Variants in DLEC1 observed in about 807,000 individuals in gnomAD.
DLEC1 encodes deleted in lung and esophageal cancer protein 1.
Under a neutral mutation model 198.1 loss-of-function variants are expected in DLEC1, and 146 were observed. The observed-to-expected ratio is 0.74, with a 90% CI of 0.64 to 0.85. The LOEUF is 0.85. DLEC1 is among the 40% of genes least tolerant of loss of function. The pLI, the probability that DLEC1 is intolerant of heterozygous loss-of-function variation, is 0.00. For synonymous variants in DLEC1, 897 were observed against 866.8 expected (o/e 1.03, Z -0.61); for missense variants, 2,233 against 2,220.0 (o/e 1.01, Z -0.12).
intron 23 of DLEC1, among the ~76,000 whole-genome samples, chr3:38,110,899 C>CATACACATATGTATACACAT (rs1559457726): frequency 6.6e-6 from 1 of 152,024 alleles, no homozygotes; most frequent in Non-Finnish European, 1.5e-5. Context: ...AATATACACA[C>CATACACATATGTATACACAT]ATACACATAT....
chr3:38,063,609 T>C (rs1696817170), intron 5 of DLEC1, among the ~76,000 whole-genome samples: 1 of 152,222 alleles, frequency 6.6e-6, no homozygotes, highest in Non-Finnish European at 1.5e-5. Flanking sequence ...CCTATGCATA[T>C]TGAAAATGAA....
At position 38,114,406 on chromosome 3, in the gene DLEC1, C is replaced by T; in HGVS notation, c.3731C>T (p.Ser1244Phe). The T allele has an allele frequency of 6.2e-7, 1 of 1,614,166 alleles. No individual in the cohort carries two copies. The highest frequency in any genetic ancestry group is 8.5e-7 in the Non-Finnish European group (1 of 1,180,016). The change falls in exon 26 of 37, where the codon TCC becomes TTC. Residue 1244 changes from serine to phenylalanine, a missense_variant. Transcript: ENST00000308059. ...GCAGCGGTGGGCTGCCCCATCAGCT[C>T]CCTGAGGACCACCTCCTACACTATT... is the stretch of plus-strand genomic sequence containing the variant. ...HMAAVGCPIS[S>F]LRTTSYTIDQ...
intron 2 of DLEC1, chr3:38,052,276 C>T (rs532559871): frequency 1.7e-5 from 8 of 473,748 alleles, no homozygotes; most frequent in East Asian, 5.4e-5. Context: ...GGTGTGGGAC[C>T]TCAACATAGA....
At chr3:38,047,707 T>C (rs1700944016) in intron 2 of DLEC1, among the ~76,000 whole-genome samples, 1 of 151,964 alleles carries the variant, frequency 6.6e-6, no homozygotes, top group African/African-American at 2.4e-5. Context: ...ACTTCATAGG[T>C]GATGCTGTGT....
At position 38,116,545 on chromosome 3, in the gene DLEC1, C is replaced by T. The variant is rs180732382; in HGVS notation, c.3949C>T (p.Arg1317Trp). The change falls in exon 28 of 37, where the codon CGG (arginine) becomes TGG (tryptophan). Residue 1317 changes from arginine (R) to tryptophan (W), a missense_variant. Coordinates refer to ENST00000308059, the MANE Select transcript of DLEC1 (RefSeq NM_007335.4). Reference protein sequence around the residue: ...LVFYGPPFPLRDQAGNELVCP... With the variant: ...LVFYGPPFPLWDQAGNELVCP... ...GTTTTATGGGCCACCTTTCCCGCTG[C>T]GGGACCAAGCCGGGAATGAGCTTGT... The T allele has an allele frequency of 3.6e-4, 574 of 1,614,110 alleles. 1 individual carries two copies. Among genetic ancestry groups the T allele is most frequent in the South Asian group, 9.4e-4 (86 of 91,084 alleles).
At position 38,069,914 on chromosome 3, in the gene DLEC1, ATT is replaced by A. The variant is rs1404690449; in HGVS notation, c.1173+5997_1173+5998del. Among the ~76,000 whole-genome samples, 7 of 152,300 alleles carry A rather than the reference ATT, an allele frequency of 4.6e-5. No individual in the cohort carries two copies. The South Asian group carries it at 1.2e-3, about 27-fold the overall frequency. On this transcript the variant is annotated intron_variant, in intron 6 of 36. Coordinates refer to ENST00000308059, the MANE Select transcript of DLEC1 (RefSeq NM_007335.4). Reference sequence around the variant, plus strand: ...ATAAAAATAGGAAGACATACTTCATATTTATGTCAATTTTTATCTGGTGGGGG... The same window carrying A: ...ATAAAAATAGGAAGACATACTTCATATATGTCAATTTTTATCTGGTGGGGG...
intron 28 of DLEC1, 51 bp downstream of exon 28, chr3:38,116,709 G>T (rs760763031): frequency 1.2e-6 from 2 of 1,609,954 alleles, no homozygotes; most frequent in South Asian, 2.2e-5. Flanking sequence ...GGCCACTGAG[G>T]TGTGGCCAGT....
rs889885591 is a variant in DLEC1, at chr3:38,109,788, GC to G, written c.3260+229del. The G allele has an allele frequency of 1.7e-4, 134 of 810,670 alleles. No individual in the cohort carries two copies. The African/African-American group carries it at 2.1e-3, about 13-fold the overall frequency. 50.2% of individuals were successfully genotyped at this position (810,670 alleles called of 1,614,324 possible). Reference sequence around the variant, plus strand: ...CCCCACACACACTTGGAGGCGTGGTGCCCTGGCAGGCAGGAGATGGCAGGGG... The same window carrying G: ...CCCCACACACACTTGGAGGCGTGGTGCCTGGCAGGCAGGAGATGGCAGGGG... On this transcript the variant is annotated intron_variant, in intron 22 of 36. Transcript: ENST00000308059.
intron 6 of DLEC1, among the ~76,000 whole-genome samples, chr3:38,081,334 AC>A (rs1212433180): frequency 7.2e-6 from 1 of 138,242 alleles, no homozygotes; most frequent in African/African-American, 2.8e-5. Flanking sequence ...TGTTGGGCAC[AC>A]CTCCCAGACG....
Position 38,062,331 on chromosome 3 carries a change from C to T in DLEC1, c.836C>T (p.Thr279Ile), listed in dbSNP as rs1696732001. The change falls in exon 4 of 37, where the codon ACT becomes ATT. Residue 279 changes from threonine to isoleucine, a missense_variant. By Grantham distance (89) the Thr-to-Ile change is moderately conservative. Coordinates refer to ENST00000308059, the MANE Select transcript of DLEC1 (RefSeq NM_007335.4). Reference sequence around the variant, plus strand: ...GTGGACAGCCTGACATGGAATTTAACTCCTAAGGCCAAAGAAAGGACCAGA... The same window carrying T: ...GTGGACAGCCTGACATGGAATTTAATTCCTAAGGCCAAAGAAAGGACCAGA... Reference protein sequence around the residue: ...HTVDSLTWNLTPKAKERTREP... With the variant: ...HTVDSLTWNLIPKAKERTREP... 1 of 1,614,092 alleles carries T rather than the reference C, an allele frequency of 6.2e-7. No homozygotes were observed. Among genetic ancestry groups the T allele is most frequent in the South Asian group, 1.1e-5 (1 of 91,088 alleles).
chr3:38,094,789 T>C (rs1698922016), intron 12 of DLEC1, 90 bp from the exon 13 acceptor site: 1 of 1,464,692 alleles, frequency 6.8e-7, no homozygotes, highest in East Asian at 2.3e-5. Context: ...CCTTTCCTGC[T>C]CCCTCTTGGA....
At chr3:38,054,412 T>C (rs560466017) in intron 2 of DLEC1, among the ~76,000 whole-genome samples, 12 of 152,284 alleles carry the variant, frequency 7.9e-5, no homozygotes, top group Non-Finnish European at 1.6e-4. Context: ...CCTACAGTGT[T>C]TCACAGATGT....
chr3:38,096,805 G>A (rs1699046941), intron 15 of DLEC1, 68 bp downstream of exon 15: 4 of 1,501,474 alleles, frequency 2.7e-6, no homozygotes, highest in Non-Finnish European at 2.7e-6. Context: ...AGTGTAGGGA[G>A]GATATAGCAG....
chr3:38,040,589 C>T (rs541455845), intron 1 of DLEC1, among the ~76,000 whole-genome samples: 2 of 152,320 alleles, frequency 1.3e-5, no homozygotes, highest in East Asian at 3.9e-4. Flanking sequence ...CTCTGTGATT[C>T]GTGGGTCACC....
Position 38,116,876 on chromosome 3 carries a change from G to A in DLEC1, c.4166G>A (p.Ser1389Asn), listed in dbSNP as rs772241384. ...GVPSGHLYCI[S>N]PKQVVVPAGG... is the part of the protein sequence containing the mutation. Reference sequence around the variant, plus strand: ...CCCTCCGGCCACCTGTACTGTATCAGCCCCAAGCAGGTGGTGAGTTGGGGT... The same window carrying A: ...CCCTCCGGCCACCTGTACTGTATCAACCCCAAGCAGGTGGTGAGTTGGGGT... Residue 1389 changes from serine to asparagine, a missense_variant, in exon 29 of 37, where the codon AGC becomes AAC. Transcript: ENST00000308059. The A allele has an allele frequency of 2.5e-6, 4 of 1,613,292 alleles. No homozygotes were observed. Among genetic ancestry groups the A allele is most frequent in the Non-Finnish European group, 3.4e-6 (4 of 1,179,610 alleles).
intron 12 of DLEC1, 62 bp from the exon 13 acceptor site, chr3:38,094,817 G>A (rs1698924030): frequency 1.3e-6 from 2 of 1,574,514 alleles, no homozygotes; most frequent in South Asian, 1.2e-5. Flanking sequence ...AGGGAGGCAT[G>A]GGGTGGAGGG....
intron 10 of DLEC1, among the ~76,000 whole-genome samples, chr3:38,089,101 G>A (rs930399154): frequency 2.0e-5 from 3 of 152,218 alleles, no homozygotes; most frequent in Non-Finnish European, 2.9e-5. Context: ...CTAGCCTGCC[G>A]AGGGAGGCCC....
At position 38,107,449 on chromosome 3, in the gene DLEC1, C is replaced by T. The variant is rs1012581563; in HGVS notation, c.2865-135C>T. 6 of 890,858 alleles carry T rather than the reference C, an allele frequency of 6.7e-6. No individual in the cohort carries two copies. The Admixed American group carries it at 1.8e-4, about 27-fold the overall frequency. The allele number at this position is 890,858 out of a possible 1,614,324, so 55.2% of individuals were successfully genotyped here. A position where few individuals can be genotyped will look rare whatever the true frequency, so the allele number is the denominator to read the frequency against. ...TTATATCCTGAAACTTTGCCGAACCCACTCATTAATTCTAGAGTTTCTAAA... is the reference window on the plus strand; with the variant it reads ...TTATATCCTGAAACTTTGCCGAACCTACTCATTAATTCTAGAGTTTCTAAA... On this transcript the variant is annotated intron_variant, in intron 19 of 36. Coordinates refer to ENST00000308059, the MANE Select transcript of DLEC1 (RefSeq NM_007335.4).
chr3:38,099,757 G>A (rs1281428264), intron 18 of DLEC1, among the ~76,000 whole-genome samples: 1 of 150,656 alleles, frequency 6.6e-6, no homozygotes, highest in African/African-American at 2.4e-5. Flanking sequence ...TGGCATGGGA[G>A]GAGGAGCAGA....
Sources: allele counts gnomAD v4.1 joint callset (sites outside exome capture counted in the v4.1 genomes callset), GRCh38; gene constraint gnomAD v4.1.1; transcripts MANE v1.5; gene names NCBI Gene and HGNC (gene_info 2026-07-23, HGNC 2026-07-21).